Variants in RGPD2 observed in about 807,000 individuals in gnomAD.
RGPD2 encodes RANBP2 like and GRIP domain containing 2.
In RGPD2, 2 loss-of-function variants were observed where a neutral mutation model predicts 36.0. The observed-to-expected ratio is 0.06, with a 90% confidence interval of 0.02 to 0.17. RGPD2 has a LOEUF of 0.17. Ranked by LOEUF, RGPD2 falls within the 10% of genes least tolerant of loss-of-function variation. RGPD2 has a pLI of 1.00. For synonymous variants in RGPD2, 19 were observed against 163.8 expected (o/e 0.12, Z 6.75); for missense variants, 40 against 464.3 (o/e 0.09, Z 8.40).
At chr2:87,840,304 T>C in the RGPD2 span, among the ~76,000 whole-genome samples, 2 of 132,378 alleles carry the variant, frequency 1.5e-5, no homozygotes, top group Admixed American at 1.6e-4. Context: ...TCCCAGAGGC[T>C]AGAAGAGGCA....
At chr2:87,989,772 T>C in the RGPD2 span, 2 of 1,159,724 alleles carry the variant, frequency 1.7e-6, no homozygotes, top group Non-Finnish European at 2.5e-6. Flanking sequence ...ACAATCCTCA[T>C]TATAGAGAGA....
intron 4 of RGPD2, among the ~76,000 whole-genome samples, chr2:87,815,005 C>T (rs1336730866): frequency 1.5e-5 from 1 of 67,426 alleles, no homozygotes; most frequent in Admixed American, 1.7e-4. Flanking sequence ...TAATGGTTGC[C>T]AGAGGTCAGG....
chr2:87,882,867 A>T, the RGPD2 span, among the ~76,000 whole-genome samples: 987 of 137,274 alleles, frequency 7.2e-3, no homozygotes, highest in African/African-American at 0.025. Flanking sequence ...ACTGTTTTTT[A>T]AATTTTTTTC....
At chr2:87,961,320 G>C in the RGPD2 span, among the ~76,000 whole-genome samples, 1 of 152,178 alleles carries the variant, frequency 6.6e-6, no homozygotes, top group Non-Finnish European at 1.5e-5. Context: ...TGACGCACTT[G>C]TGTACTGCGT....
chr2:87,939,732 G>A, the RGPD2 span, among the ~76,000 whole-genome samples: 1 of 152,008 alleles, frequency 6.6e-6, no homozygotes, highest in South Asian at 2.1e-4. Flanking sequence ...GTATAGAAAT[G>A]AGACAGAGAG....
the RGPD2 span, among the ~76,000 whole-genome samples, chr2:87,983,786 T>C: frequency 6.7e-6 from 1 of 149,766 alleles, no homozygotes; most frequent in Non-Finnish European, 1.5e-5. Flanking sequence ...GCATTCTCCA[T>C]AGAGGTAATG....
chr2:87,951,704 C>G, the RGPD2 span, among the ~76,000 whole-genome samples: 3 of 149,090 alleles, frequency 2.0e-5, no homozygotes. Context: ...CCTGCTTCAG[C>G]CTCCCAAGTA....
the RGPD2 span, among the ~76,000 whole-genome samples, chr2:87,885,027 G>T: frequency 7.9e-5 from 12 of 152,204 alleles, no homozygotes; most frequent in South Asian, 2.5e-3. Flanking sequence ...AAACATAGAT[G>T]CAAAAATCTT....
the RGPD2 span, among the ~76,000 whole-genome samples, chr2:87,941,037 C>T: frequency 6.6e-6 from 1 of 151,712 alleles, no homozygotes; most frequent in South Asian, 2.1e-4. Flanking sequence ...TACAAACGGA[C>T]AAGTAGAACA....
the RGPD2 span, among the ~76,000 whole-genome samples, chr2:87,844,259 T>C: frequency 1.4e-5 from 2 of 141,184 alleles, no homozygotes; most frequent in African/African-American, 5.2e-5. Flanking sequence ...TTTTTAATAG[T>C]TTTTGCTTTA....
intron 1 of RGPD2, among the ~76,000 whole-genome samples, chr2:87,821,972 CTT>C (rs1166675454): frequency 6.9e-6 from 1 of 145,818 alleles, no homozygotes; most frequent in Non-Finnish European, 1.5e-5. Context: ...ATTTCTCTCT[CTT>C]TTTTTTTAAT....
chr2:87,815,206 G>A (rs543098754), intron 4 of RGPD2, among the ~76,000 whole-genome samples: 24 of 142,872 alleles, frequency 1.7e-4, no homozygotes, highest in African/African-American at 4.0e-4. Context: ...TGCTTTGGTC[G>A]GGTTAAACAG....
rs1275819614 is a variant in RGPD2 at position 87,825,720 on chromosome 2, T to C, written c.10A>G (p.Ser4Gly). The C allele has an allele frequency of 6.2e-7, 1 of 1,600,834 alleles. No homozygotes were observed. Among genetic ancestry groups the C allele is most frequent in the African/African-American group, 1.3e-5 (1 of 74,612 alleles). ...AGGTACCGCTCCCCGTAGGCTTTGC[T>C]GCGCCTCATCGCACCGCCAACCTGG... MRRSKAYGERYLAS... is the reference protein window; with the variant it reads MRRGKAYGERYLAS... Residue 4 changes from serine (S) to glycine (G), a missense_variant, in exon 1 of 23, where the codon AGC (serine) becomes GGC (glycine). Physicochemically the swap from Ser to Gly is moderately conservative, Grantham distance 56. Transcript: ENST00000398146.
At chr2:87,834,048 C>T in the RGPD2 span, among the ~76,000 whole-genome samples, 1 of 90,776 alleles carries the variant, frequency 1.1e-5, no homozygotes, top group Admixed American at 1.3e-4. Context: ...ATTTATAAAA[C>T]ATTAGGATAC....
At chr2:87,934,529 C>A in the RGPD2 span, among the ~76,000 whole-genome samples, 1 of 148,958 alleles carries the variant, frequency 6.7e-6, no homozygotes, top group Non-Finnish European at 1.5e-5. Flanking sequence ...GGACTTGTTA[C>A]AATACATTTC....
chr2:87,861,575 C>A, the RGPD2 span, among the ~76,000 whole-genome samples: 1 of 152,146 alleles, frequency 6.6e-6, no homozygotes. Context: ...AATAGCTAAG[C>A]TTGTTCAAGA....
chr2:87,951,655 G>A, the RGPD2 span, among the ~76,000 whole-genome samples: 9 of 150,698 alleles, frequency 6.0e-5, no homozygotes, highest in Non-Finnish European at 1.2e-4. Flanking sequence ...GCAATGGTGC[G>A]ATCTTGGCTC....
the RGPD2 span, among the ~76,000 whole-genome samples, chr2:87,961,927 T>C: frequency 1.4e-5 from 2 of 143,890 alleles, no homozygotes; most frequent in Non-Finnish European, 3.0e-5. Context: ...CCCAGCACTT[T>C]GGGAGGTCGA....
At chr2:87,985,755 T>C in the RGPD2 span, 1 of 1,609,038 alleles carries the variant, frequency 6.2e-7, no homozygotes, top group Non-Finnish European at 8.5e-7. Flanking sequence ...GCGGTCTGTG[T>C]TAAAACCCAT....
Sources: gnomAD v4.1 joint callset for allele counts (sites outside exome capture counted in the v4.1 genomes callset) on GRCh38, gnomAD v4.1.1 for gene constraint, MANE v1.5 for transcripts, NCBI Gene and HGNC (gene_info 2026-07-23, HGNC 2026-07-21) for gene names.